The following PREP variants were observed in gnomAD, a reference collection of about 807,000 sequenced individuals.
PREP encodes the protein prolyl endopeptidase, also known as dJ355L5.1 (prolyl endopeptidase).
A neutral mutation model predicts 87.6 loss-of-function variants in PREP; 29 were observed. That is an observed-to-expected ratio of 0.33 (90% CI 0.25 to 0.45). The LOEUF (loss-of-function observed/expected upper bound fraction) is 0.45, where lower values mean the gene tolerates loss of function less well. Ranked by LOEUF, PREP falls within the 20% of genes least tolerant of loss-of-function variation. The pLI, the probability that PREP is intolerant of heterozygous loss-of-function variation, is 1.00. For missense variants in PREP, 695 were observed against 886.5 expected, an observed-to-expected ratio of 0.78 and a Z score of 2.74; for synonymous variants, 337 against 328.6, an observed-to-expected ratio of 1.03 and a Z score of -0.28.
rs3799990 is a variant in PREP at position 105,277,685 on chromosome 6, C to T, written c.*459G>A. The T allele has an allele frequency of 8.3e-3, 1,310 of 156,998 alleles. 49 individuals carry two copies. The East Asian group carries it at 0.11, about 13-fold the overall frequency. 9.7% of individuals were successfully genotyped at this position (156,998 alleles called of 1,614,324 possible). On this transcript the variant is annotated 3_prime_UTR_variant, in exon 15 of 15. Transcript: ENST00000652536. Reference sequence around the variant, plus strand: ...CAGAAAACTCCACTTCTGGAGTTGCCCCTCAATATGAAGAAACCGGAAGTA... The same window carrying T: ...CAGAAAACTCCACTTCTGGAGTTGCTCCTCAATATGAAGAAACCGGAAGTA...
chr6:105,280,755 A>T (rs1305641278), intron 14 of PREP: 1 of 152,132 alleles, frequency 6.6e-6, no homozygotes, highest in Non-Finnish European at 1.5e-5. Flanking sequence ...TAGAGACAGT[A>T]CAGTATTTCA....
At chr6:105,365,268 A>G (rs1772358250) in intron 6 of PREP, among the ~76,000 whole-genome samples, 1 of 152,198 alleles carries the variant, frequency 6.6e-6, no homozygotes, top group South Asian at 2.1e-4. Context: ...TAAGATGCAA[A>G]TCACTAAATA....
Position 105,320,008 on chromosome 6 carries a change from A to T in PREP, c.1317+3657T>A, listed in dbSNP as rs192518040. Among the ~76,000 whole-genome samples the T allele has an allele frequency of 5.5e-3, 834 of 152,304 alleles. 5 individuals are homozygous for T. Among genetic ancestry groups the T allele is most frequent in the South Asian group, 0.026 (126 of 4,824 alleles). On this transcript the variant is annotated intron_variant, in intron 10 of 14. Transcript: ENST00000652536. ...AACATTTAACTATCATTTCCCTATTACTTCACTTTGTTTAAAATGAAACAT... is the reference window on the plus strand; with the variant it reads ...AACATTTAACTATCATTTCCCTATTTCTTCACTTTGTTTAAAATGAAACAT...
chr6:105,388,635 T>C (rs1239650208), intron 2 of PREP, among the ~76,000 whole-genome samples: 1 of 152,240 alleles, frequency 6.6e-6, no homozygotes, highest in African/African-American at 2.4e-5. Context: ...CTGAGAAGTA[T>C]GTTTACAAAC....
intron 10 of PREP, among the ~76,000 whole-genome samples, chr6:105,289,275 TC>T (rs1311166583): frequency 6.6e-6 from 1 of 152,142 alleles, no homozygotes; most frequent in Non-Finnish European, 1.5e-5. Context: ...CTCCTTCTCA[TC>T]CCTCTCAGTG....
chr6:105,347,825 C>A (rs1771837418), intron 7 of PREP, among the ~76,000 whole-genome samples: 1 of 151,760 alleles, frequency 6.6e-6, no homozygotes, highest in Non-Finnish European at 1.5e-5. Flanking sequence ...CCAGCCTGGG[C>A]AATATAGTGA....
At chr6:105,371,256 G>A (rs1772533128) in intron 5 of PREP, among the ~76,000 whole-genome samples, 2 of 152,098 alleles carry the variant, frequency 1.3e-5, no homozygotes, top group South Asian at 4.2e-4. Flanking sequence ...TATAATCCCA[G>A]CACTTTGGGA....
At chr6:105,345,812 G>GATAATA (rs1771781479) in intron 7 of PREP, among the ~76,000 whole-genome samples, 1 of 152,180 alleles carries the variant, frequency 6.6e-6, no homozygotes, top group Non-Finnish European at 1.5e-5. Context: ...GTTTCCTGGG[G>GATAATA]ATAATAATCC....
intron 7 of PREP, among the ~76,000 whole-genome samples, chr6:105,335,017 T>C (rs1771443321): frequency 6.6e-6 from 1 of 152,224 alleles, no homozygotes; most frequent in Admixed American, 6.5e-5. Flanking sequence ...AAAACTTGCA[T>C]GGCATAAAAG....
At chr6:105,376,650 T>C (rs1772694969) in intron 3 of PREP, among the ~76,000 whole-genome samples, 1 of 152,246 alleles carries the variant, frequency 6.6e-6, no homozygotes, top group South Asian at 2.1e-4. Flanking sequence ...GGAAGGTCAG[T>C]ACACTTTCTC....
chr6:105,282,365 T>TTTAAGTC (rs1554203613), intron 13 of PREP, 86 bp downstream of exon 13: 1 of 1,487,414 alleles, frequency 6.7e-7, no homozygotes, highest in African/African-American at 1.4e-5. Flanking sequence ...TCCACAAAGT[T>TTTAAGTC]AAGTCAAGAG....
intron 8 of PREP, among the ~76,000 whole-genome samples, chr6:105,333,104 G>A (rs1771380417): frequency 6.6e-6 from 1 of 152,116 alleles, no homozygotes; most frequent in African/African-American, 2.4e-5. Flanking sequence ...TTTTTATGAA[G>A]ACCTTGCATT....
rs539694294 is a variant in PREP at position 105,326,678 on chromosome 6, T to C, written c.1213+2151A>G. Reference sequence around the variant, plus strand: ...TATACCCACACTGACAATCCATGCTTTCATGAGATCTAATCTAATTATCTG... The same window carrying C: ...TATACCCACACTGACAATCCATGCTCTCATGAGATCTAATCTAATTATCTG... On this transcript the variant is annotated intron_variant, in intron 9 of 14. Coordinates refer to ENST00000652536, the MANE Select transcript of PREP (RefSeq NM_002726.5). Among the ~76,000 whole-genome samples, 22 of 152,352 alleles carry C rather than the reference T, an allele frequency of 1.4e-4. No homozygotes were observed. In the South Asian group the frequency reaches 4.4e-3, roughly 30 times the overall value.
intron 6 of PREP, among the ~76,000 whole-genome samples, chr6:105,362,232 A>G (rs6901483): frequency 0.22 from 33,832 of 152,134 alleles, 8,274 homozygotes; most frequent in African/African-American, 0.62. Flanking sequence ...AGGCCGAGGC[A>G]GCCGAATCAT....
At chr6:105,384,973 G>A (rs564467425) in intron 2 of PREP, among the ~76,000 whole-genome samples, 24 of 152,274 alleles carry the variant, frequency 1.6e-4, no homozygotes, top group South Asian at 4.2e-4. Flanking sequence ...CTTTTTATGT[G>A]AGCTGGTCTG....
chr6:105,380,995 A>G (rs1247745117), intron 2 of PREP, among the ~76,000 whole-genome samples: 1 of 152,236 alleles, frequency 6.6e-6, no homozygotes, highest in Non-Finnish European at 1.5e-5. Context: ...AACATAATTC[A>G]TCTCACCCTG....
At chr6:105,323,192 A>C (rs908588077) in intron 10 of PREP, 19 of 1,116,212 alleles carry the variant, frequency 1.7e-5, no homozygotes, top group Non-Finnish European at 2.3e-5. Context: ...ACAATTAATT[A>C]ATTTATTCAT....
chr6:105,348,342 G>T (rs1160114496), intron 7 of PREP, among the ~76,000 whole-genome samples: 3 of 152,218 alleles, frequency 2.0e-5, no homozygotes, highest in Non-Finnish European at 4.4e-5. Flanking sequence ...TATCAAGCAA[G>T]GCCACCTGAG....
intron 9 of PREP, among the ~76,000 whole-genome samples, chr6:105,327,354 C>T (rs376401638): frequency 3.9e-5 from 6 of 152,262 alleles, no homozygotes; most frequent in African/African-American, 1.4e-4. Flanking sequence ...CTCGAACGGT[C>T]ACTTCCTGGC....
Sources: gnomAD v4.1 joint callset for allele counts (sites outside exome capture counted in the v4.1 genomes callset) on GRCh38, gnomAD v4.1.1 for gene constraint, MANE v1.5 for transcripts, NCBI Gene and HGNC (gene_info 2026-07-23, HGNC 2026-07-21) for gene names.